Variants in SH3KBP1 observed in about 807,000 individuals in gnomAD.
SH3KBP1 encodes SH3 domain containing kinase binding protein 1.
A neutral mutation model predicts 50.1 loss-of-function variants in SH3KBP1; 8 were observed. That is an observed-to-expected ratio of 0.16 (90% confidence interval 0.09 to 0.29). The LOEUF is 0.29. Ranked by LOEUF, SH3KBP1 falls within the 10% of genes least tolerant of loss-of-function variation. SH3KBP1 has a pLI of 1.00. For missense variants in SH3KBP1, 377 were observed against 535.2 expected, an observed-to-expected ratio of 0.70 and a Z score of 2.92; for synonymous variants, 227 against 218.6, an observed-to-expected ratio of 1.04 and a Z score of -0.34.
rs187106457 is a variant in SH3KBP1, at chrX:19,683,959, T to C, written c.590A>G (p.Asn197Ser). The change falls in exon 6 of 18, where the codon AAC becomes AGC. Residue 197 changes from asparagine (N) to serine (S), a missense_variant. By Grantham distance (46) the Asn-to-Ser change is conservative. Transcript: ENST00000397821. Reference protein sequence around the residue: ...DSSSTKSEGANGTVATAAIQP... With the variant: ...DSSSTKSEGASGTVATAAIQP... ...GATTGCTGCAGTTGCCACTGTCCCG[T>C]TGGCACCTTCAGACTTGGTGCTGCT... The C allele has an allele frequency of 9.9e-6, 12 of 1,209,047 alleles. No homozygotes were observed. Among genetic ancestry groups the C allele is most frequent in the South Asian group, 7.0e-5 (4 of 56,772 alleles).
chrX:19,667,681 A>T (rs1203319080), intron 6 of SH3KBP1, among the ~76,000 whole-genome samples: 1 of 111,519 alleles, frequency 9.0e-6, no homozygotes, highest in Non-Finnish European at 1.9e-5. Flanking sequence ...TATGATGTTA[A>T]ATATATTTTA....
At chrX:19,850,768 C>T (rs1325452693) in intron 1 of SH3KBP1, among the ~76,000 whole-genome samples, 2 of 110,926 alleles carry the variant, frequency 1.8e-5, no homozygotes, top group Non-Finnish European at 3.8e-5. Flanking sequence ...CTGGCCCTTT[C>T]GTCAGGGTGC....
chrX:19,781,139 C>T (rs146462088), intron 2 of SH3KBP1, among the ~76,000 whole-genome samples: 2,485 of 111,056 alleles, frequency 0.022, 82 homozygotes, highest in African/African-American at 0.077. Flanking sequence ...TGGGGAAGTG[C>T]TCATAATATA....
At chrX:19,876,231 G>A (rs2069246468) in intron 1 of SH3KBP1, among the ~76,000 whole-genome samples, 1 of 111,566 alleles carries the variant, frequency 9.0e-6, no homozygotes, top group South Asian at 3.7e-4. Context: ...CATAGTGGCA[G>A]ATGCCTGTAA....
At chrX:19,870,345 CT>C (rs1187661196) in intron 1 of SH3KBP1, among the ~76,000 whole-genome samples, 69 of 103,128 alleles carry the variant, frequency 6.7e-4, no homozygotes, top group Admixed American at 1.3e-3. Flanking sequence ...CTACACATTT[CT>C]TTTTTTTTTT....
intron 6 of SH3KBP1, chrX:19,683,331 CG>C (rs758706053): frequency 3.5e-5 from 13 of 370,447 alleles, no homozygotes; most frequent in South Asian, 3.1e-4. Flanking sequence ...TTCACACCTG[CG>C]GGAGACTTCC....
At chrX:19,656,040 G>A (rs1329750758) in intron 6 of SH3KBP1, among the ~76,000 whole-genome samples, 1 of 111,509 alleles carries the variant, frequency 9.0e-6, no homozygotes, top group Non-Finnish European at 1.9e-5. Flanking sequence ...TATTCTAGCT[G>A]AAGAAAAGCA....
At chrX:19,701,161 A>G (rs1417961289) in intron 4 of SH3KBP1, among the ~76,000 whole-genome samples, 3 of 111,585 alleles carry the variant, frequency 2.7e-5, no homozygotes, top group Non-Finnish European at 5.6e-5. Flanking sequence ...CAGGTCCCCA[A>G]ATTCCTAAGT....
At chrX:19,770,266 C>T (rs1257457646) in intron 2 of SH3KBP1, among the ~76,000 whole-genome samples, 3 of 111,671 alleles carry the variant, frequency 2.7e-5, no homozygotes, top group African/African-American at 9.8e-5. Flanking sequence ...TCCTTTAGCT[C>T]CCACTTATAA....
intron 1 of SH3KBP1, among the ~76,000 whole-genome samples, chrX:19,870,668 A>G (rs1450110074): frequency 1.8e-5 from 2 of 111,727 alleles, no homozygotes; most frequent in East Asian, 5.6e-4. Context: ...TTTTATAATG[A>G]TGTTTGATGT....
chrX:19,851,328 C>T (rs1345002784), intron 1 of SH3KBP1, among the ~76,000 whole-genome samples: 1 of 111,931 alleles, frequency 8.9e-6, no homozygotes, highest in African/African-American at 3.3e-5. Flanking sequence ...AAGAAAAACA[C>T]TTAAAATGCA....
chrX:19,733,425 T>TATTTTTCATA (rs2064438472), intron 3 of SH3KBP1, among the ~76,000 whole-genome samples: 1 of 110,247 alleles, frequency 9.1e-6, no homozygotes, highest in Non-Finnish European at 1.9e-5. Flanking sequence ...TATAATAATA[T>TATTTTTCATA]TATATGATAA....
chrX:19,769,273 T>C (rs1244127331), intron 2 of SH3KBP1, among the ~76,000 whole-genome samples: 1 of 89,924 alleles, frequency 1.1e-5, no homozygotes, highest in African/African-American at 5.7e-5. Flanking sequence ...TTCTTCTTTT[T>C]CTTTTTTTTT....
intron 6 of SH3KBP1, among the ~76,000 whole-genome samples, chrX:19,657,267 G>C (rs1451635559): frequency 9.1e-6 from 1 of 109,295 alleles, no homozygotes; most frequent in African/African-American, 3.3e-5. Context: ...TGTAGTCCCA[G>C]CTACTTGGAG....
chrX:19,629,236 A>G (rs1350007542), intron 8 of SH3KBP1, among the ~76,000 whole-genome samples: 1 of 111,247 alleles, frequency 9.0e-6, no homozygotes, highest in African/African-American at 3.3e-5. Context: ...TACGGGGGGT[A>G]CCTGCAGAAC....
Position 19,607,708 on chromosome X carries a change from C to T in SH3KBP1, c.1005+230G>A, listed in dbSNP as rs142978619. On this transcript the variant is annotated intron_variant, in intron 9 of 17. Transcript: ENST00000397821. ...TGCTGCACCGAGTGCTTTACACACA[C>T]TATCTTGTTTATGTATGCAACAACC... 2.8e-4 allele frequency among the ~76,000 whole-genome samples: 31 copies of T among 112,142 alleles called. 1 individual carries two copies. The East Asian group carries it at 7.9e-3, about 29-fold the overall frequency.
At chrX:19,844,207 G>A (rs1380532461) in intron 1 of SH3KBP1, among the ~76,000 whole-genome samples, 2 of 111,176 alleles carry the variant, frequency 1.8e-5, no homozygotes, top group Non-Finnish European at 3.8e-5. Flanking sequence ...TCCCCGACAT[G>A]CCCTCCCTAC....
chrX:19,648,070 CTCCTT>C (rs1439020635), intron 6 of SH3KBP1: 1 of 373,360 alleles, frequency 2.7e-6, no homozygotes, highest in African/African-American at 2.6e-5. Context: ...TCTTCTCTCT[CTCCTT>C]TCCCACCAAA....
chrX:19,579,418 G>A (rs937055030), intron 12 of SH3KBP1, among the ~76,000 whole-genome samples: 1 of 112,315 alleles, frequency 8.9e-6, no homozygotes, highest in African/African-American at 3.2e-5. Flanking sequence ...CTGGAGGAAC[G>A]AGAATTCATC....
Sources: gnomAD v4.1 joint callset for allele counts (sites outside exome capture counted in the v4.1 genomes callset) on GRCh38, gnomAD v4.1.1 for gene constraint, MANE v1.5 for transcripts, NCBI Gene and HGNC (gene_info 2026-07-23, HGNC 2026-07-21) for gene names.